Variants in MED27 observed in about 807,000 individuals in gnomAD.
MED27 encodes the protein mediator complex subunit 27, also known as mediator of RNA polymerase II transcription subunit 27.
MED27 carries 30 observed loss-of-function variants against 38.2 expected under a neutral mutation model. The observed-to-expected ratio is 0.79, with a 90% CI of 0.59 to 1.07. The LOEUF is 1.07. Ranked by LOEUF, MED27 falls within the 50% of genes least tolerant of loss-of-function variation. The probability of loss-of-function intolerance (pLI) is 0.00; values close to 1 mark genes in which losing one functional copy is unlikely to be tolerated. For missense variants in MED27, 289 were observed against 397.5 expected (o/e 0.73, Z 2.32); for synonymous variants, 122 against 153.5 (o/e 0.79, Z 1.52).
chr9:132,077,091 C>A (rs909931751), intron 2 of MED27, among the ~76,000 whole-genome samples: 2 of 152,168 alleles, frequency 1.3e-5, no homozygotes, highest in Admixed American at 6.5e-5. Context: ...GATTCCTCTG[C>A]GAACCTGACA....
intron 4 of MED27, among the ~76,000 whole-genome samples, chr9:131,908,288 T>C (rs970602967): frequency 2.7e-5 from 4 of 149,220 alleles, no homozygotes; most frequent in Non-Finnish European, 5.9e-5. Flanking sequence ...AGCCGCCCCG[T>C]CCGGGAGGTG....
At position 131,927,559 on chromosome 9, in the gene MED27, C is replaced by T. The variant is rs868150226; in HGVS notation, c.573+11822G>A. On this transcript the variant is annotated intron_variant, in intron 4 of 7. Coordinates refer to ENST00000292035, the MANE Select transcript of MED27 (RefSeq NM_004269.4). ...TTCCTCCCCTCCTCTCACCCCATCTCCTCTCCTAAGAGTGAACTCCCTGTG... is the reference window on the plus strand; with the variant it reads ...TTCCTCCCCTCCTCTCACCCCATCTTCTCTCCTAAGAGTGAACTCCCTGTG... 3.3e-5 allele frequency among the ~76,000 whole-genome samples: 5 copies of T among 152,208 alleles called. No homozygotes were observed. The South Asian group carries it at 8.3e-4, about 25-fold the overall frequency.
At chr9:131,954,895 C>T (rs895238501) in intron 3 of MED27, among the ~76,000 whole-genome samples, 5 of 152,032 alleles carry the variant, frequency 3.3e-5, no homozygotes, top group Non-Finnish European at 7.4e-5. Context: ...ATAGTCAATA[C>T]CACGCCTCTC....
chr9:131,996,382 C>T (rs577953135), intron 3 of MED27, among the ~76,000 whole-genome samples: 4 of 152,216 alleles, frequency 2.6e-5, no homozygotes, highest in African/African-American at 9.6e-5. Context: ...CCACTGGAGC[C>T]GGCAGAGGTC....
At chr9:132,055,761 T>G (rs553031245) in intron 2 of MED27, among the ~76,000 whole-genome samples, 11 of 152,302 alleles carry the variant, frequency 7.2e-5, no homozygotes, top group Non-Finnish European at 8.8e-5. Flanking sequence ...AATCCACAGA[T>G]AACACAAAAG....
chr9:132,007,250 G>A (rs189604426), intron 3 of MED27, among the ~76,000 whole-genome samples: 6 of 152,236 alleles, frequency 3.9e-5, no homozygotes, highest in East Asian at 1.9e-4. Context: ...TCCAAGAATC[G>A]AAACGCAAAG....
At chr9:131,869,820 T>C (rs538397215) in intron 6 of MED27, among the ~76,000 whole-genome samples, 1 of 152,290 alleles carries the variant, frequency 6.6e-6, no homozygotes, top group South Asian at 2.1e-4. Context: ...ATTTGGGGTG[T>C]GTCCCGTCTC....
intron 2 of MED27, among the ~76,000 whole-genome samples, chr9:132,075,494 C>A (rs1417220190): frequency 6.6e-6 from 1 of 152,198 alleles, no homozygotes; most frequent in East Asian, 1.9e-4. Flanking sequence ...GCATTTCCAG[C>A]ACAAGAAGTT....
intron 4 of MED27, among the ~76,000 whole-genome samples, chr9:131,898,275 C>T (rs1589193631): frequency 6.6e-6 from 1 of 152,128 alleles, no homozygotes; most frequent in African/African-American, 2.4e-5. Flanking sequence ...TGCTCTGTCA[C>T]CCAGGCTGGA....
In MED27 at chr9:131,997,538, T is replaced by TCCCCCAGCA. The variant is rs1832117832; in HGVS notation, c.479+16798_479+16799insTGCTGGGGG. Among the ~76,000 whole-genome samples the TCCCCCAGCA allele has an allele frequency of 1.3e-5, 2 of 152,232 alleles. No individual in the cohort carries two copies. Among genetic ancestry groups the TCCCCCAGCA allele is most frequent in the Non-Finnish European group, 2.9e-5 (2 of 68,038 alleles). On this transcript the variant is annotated intron_variant, in intron 3 of 7. Coordinates refer to ENST00000292035, the MANE Select transcript of MED27 (RefSeq NM_004269.4). The surrounding 1 kb of genome is among the most constrained non-coding windows in gnomAD (Gnocchi z 4.0). ...GACCGAGGCGTTGCCAGCCCTGCAC[T>TCCCCCAGCA]GTAGGCTGCCATCTCCCCCAGCAGT...
At chr9:132,035,584 G>A (rs998020191) in intron 2 of MED27, among the ~76,000 whole-genome samples, 32 of 152,160 alleles carry the variant, frequency 2.1e-4, no homozygotes, top group African/African-American at 7.0e-4. Flanking sequence ...GCTGAAACCC[G>A]AAGGATGCAA....
chr9:131,907,908 CGACCCCGTCTGG>C (rs1830101634), intron 4 of MED27, among the ~76,000 whole-genome samples: 1 of 150,442 alleles, frequency 6.6e-6, no homozygotes, highest in African/African-American at 2.5e-5. Context: ...TGCCCGGCCG[CGACCCCGTCTGG>C]AAGGTGAGGA....
chr9:132,068,533 G>A (rs1022283483), intron 2 of MED27, among the ~76,000 whole-genome samples: 11 of 152,136 alleles, frequency 7.2e-5, no homozygotes, highest in East Asian at 3.9e-4. Flanking sequence ...ATGGAGGCCC[G>A]GGGAGAGGCA....
At position 131,929,697 on chromosome 9, in the gene MED27, A is replaced by G. The variant is rs188473372; in HGVS notation, c.573+9684T>C. Among the ~76,000 whole-genome samples the G allele has an allele frequency of 6.4e-3, 976 of 152,278 alleles. 3 individuals carry two copies. Among genetic ancestry groups the G allele is most frequent in the Non-Finnish European group, 0.01 (705 of 68,014 alleles). On this transcript the variant is annotated intron_variant, in intron 4 of 7. Transcript: ENST00000292035. The stretch of plus-strand genomic sequence containing the variant: ...CTTCTGCCTGTGGAAAGGGGAGGGA[A>G]GAGTGGGAAGGAGCTCAGCTGCAGT...
chr9:132,017,525 C>G (rs1008164095), intron 2 of MED27, among the ~76,000 whole-genome samples: 7 of 152,042 alleles, frequency 4.6e-5, no homozygotes, highest in African/African-American at 1.7e-4. Context: ...CTCCACTAAC[C>G]GGGAGGAATA....
chr9:131,877,952 C>T (rs890700700), intron 6 of MED27, among the ~76,000 whole-genome samples: 2 of 152,074 alleles, frequency 1.3e-5, no homozygotes, highest in Admixed American at 6.5e-5. Context: ...TCAAGTCTGC[C>T]TCAGTTAGGG....
intron 2 of MED27, among the ~76,000 whole-genome samples, chr9:132,064,414 T>C (rs1833766762): frequency 6.6e-6 from 1 of 152,158 alleles, no homozygotes; most frequent in Non-Finnish European, 1.5e-5. Context: ...CACCAATACA[T>C]ATCTCAAAGA....
chr9:132,053,502 C>T (rs953711293), intron 2 of MED27, among the ~76,000 whole-genome samples: 1 of 152,130 alleles, frequency 6.6e-6, no homozygotes, highest in Non-Finnish European at 1.5e-5. Context: ...ATGTCCCAAA[C>T]TCTGCAGTGA....
rs891993509 is a variant in MED27 at position 131,883,625 on chromosome 9, G to A, written c.723+433C>T. Among the ~76,000 whole-genome samples the A allele has an allele frequency of 2.0e-5, 3 of 152,136 alleles. No homozygotes were observed. The highest frequency in any genetic ancestry group is 2.9e-5 in the Non-Finnish European group (2 of 68,030). On this transcript the variant is annotated intron_variant, in intron 6 of 7. Transcript: ENST00000292035. The surrounding 1 kb of genome is among the most constrained non-coding windows in gnomAD (Gnocchi z 4.2). ...GAGACCGCTAGGGCTCTGAGAAACC[G>A]AGTTTTAAAACTAGGTTTTCAGAAT...
Sources: allele counts gnomAD v4.1 joint callset (sites outside exome capture counted in the v4.1 genomes callset), GRCh38; gene constraint gnomAD v4.1.1; non-coding constraint Gnocchi (gnomAD v3.1); transcripts MANE v1.5; gene names NCBI Gene and HGNC (gene_info 2026-07-23, HGNC 2026-07-21).